ADORA2B: variants seen among roughly 807,000 people sequenced by gnomAD.
The protein encoded by ADORA2B is adenosine A2b receptor, also known as adenosine receptor A2b.
A neutral mutation model predicts 20.8 loss-of-function variants in ADORA2B; 18 were observed. The ratio of observed to expected loss-of-function variants is 0.87; its 90% CI spans 0.60 to 1.29. The LOEUF (loss-of-function observed/expected upper bound fraction) is 1.29. ADORA2B is among the 50% of genes most tolerant of loss of function. The pLI, the probability that ADORA2B is intolerant of heterozygous loss-of-function variation, is 0.00. For synonymous variants in ADORA2B, 179 were observed against 178.3 expected, an observed-to-expected ratio of 1.00 and a Z score of -0.03; for missense variants, 441 against 422.7, an observed-to-expected ratio of 1.04 and a Z score of -0.38.
At chr17:15,912,403 G>T in the ADORA2B span, among the ~76,000 whole-genome samples, 2 of 151,748 alleles carry the variant, frequency 1.3e-5, no homozygotes, top group Non-Finnish European at 2.9e-5. Flanking sequence ...AAATGCAGGT[G>T]GTGTTTCAGG....
the ADORA2B span, among the ~76,000 whole-genome samples, chr17:15,890,755 GC>G: frequency 6.6e-6 from 1 of 152,094 alleles, no homozygotes; most frequent in Non-Finnish European, 1.5e-5. Flanking sequence ...GAGCACAGCA[GC>G]CCCACTGGCT....
the ADORA2B span, among the ~76,000 whole-genome samples, chr17:15,889,302 A>G: frequency 4.6e-5 from 6 of 129,700 alleles, 1 homozygote; most frequent in Admixed American, 4.6e-4. Flanking sequence ...AGCTCACTTA[A>G]TTTGGTTCCT....
intron 1 of ADORA2B, among the ~76,000 whole-genome samples, chr17:15,946,828 C>T (rs2151591677): frequency 6.6e-6 from 1 of 152,202 alleles, no homozygotes; most frequent in East Asian, 1.9e-4. Context: ...TCTGCAAGGC[C>T]ATGTGTGGCA....
At chr17:15,939,436 C>T in the ADORA2B span, among the ~76,000 whole-genome samples, 1 of 152,168 alleles carries the variant, frequency 6.6e-6, no homozygotes, top group Non-Finnish European at 1.5e-5. Flanking sequence ...GCACAGCAGA[C>T]ATTCTGGGGC....
the ADORA2B span, among the ~76,000 whole-genome samples, chr17:15,889,400 A>T: frequency 9.3e-5 from 12 of 128,990 alleles, 3 homozygotes; most frequent in Middle Eastern, 0.011. Context: ...CCACATTAGA[A>T]AATGTAGAAA....
chr17:15,899,035 G>C, the ADORA2B span, among the ~76,000 whole-genome samples: 2 of 151,964 alleles, frequency 1.3e-5, no homozygotes, highest in Non-Finnish European at 2.9e-5. Context: ...TCCTAGACCA[G>C]CCTGGCCAAC....
chr17:15,937,835 A>G, the ADORA2B span, among the ~76,000 whole-genome samples: 5 of 152,096 alleles, frequency 3.3e-5, no homozygotes. Context: ...GGGCTCCCAA[A>G]TTGCTGGGAT....
At chr17:15,941,728 CAAAAAAAA>C (rs750541311), upstream of ADORA2B, among the ~76,000 whole-genome samples, 2 of 87,336 alleles carry the variant, frequency 2.3e-5, no homozygotes, top group Admixed American at 2.6e-4. Context: ...ACTCTTGTTT[CAAAAAAAA>C]AAAAAAAAAA....
chr17:15,881,792 T>C, the ADORA2B span, among the ~76,000 whole-genome samples: 1 of 152,182 alleles, frequency 6.6e-6, no homozygotes, highest in African/African-American at 2.4e-5. Context: ...CCTTCTTCTC[T>C]CCGTAGCCCC....
the ADORA2B span, among the ~76,000 whole-genome samples, chr17:15,871,404 G>A: frequency 6.6e-6 from 1 of 152,204 alleles, no homozygotes; most frequent in East Asian, 1.9e-4. Context: ...CTATTGGCAG[G>A]CATGTTTTTG....
the ADORA2B span, among the ~76,000 whole-genome samples, chr17:15,869,332 T>C: frequency 4.6e-4 from 69 of 149,494 alleles, 2 homozygotes; most frequent in African/African-American, 1.6e-3. Context: ...ATAATAATAA[T>C]AATAATAATT....
chr17:15,898,107 G>A, the ADORA2B span, among the ~76,000 whole-genome samples: 1 of 152,074 alleles, frequency 6.6e-6, no homozygotes, highest in East Asian at 1.9e-4. Context: ...AAAGGAGTGA[G>A]GAAACTTACA....
chr17:15,863,215 T>C, the ADORA2B span, among the ~76,000 whole-genome samples: 3 of 152,216 alleles, frequency 2.0e-5, no homozygotes, highest in East Asian at 1.9e-4. Flanking sequence ...GCTTCTGATA[T>C]TTTATCTTTC....
chr17:15,966,743 A>G (rs1390000397), intron 1 of ADORA2B, among the ~76,000 whole-genome samples: 1 of 152,240 alleles, frequency 6.6e-6, no homozygotes, highest in African/African-American at 2.4e-5. Context: ...GGACTTTCCC[A>G]GAACTCCCCT....
At chr17:15,935,575 A>G in the ADORA2B span, among the ~76,000 whole-genome samples, 1 of 151,972 alleles carries the variant, frequency 6.6e-6, no homozygotes, top group Non-Finnish European at 1.5e-5. Context: ...AGTTTCTTCG[A>G]TGTACATGCT....
the ADORA2B span, among the ~76,000 whole-genome samples, chr17:15,890,896 G>T: frequency 6.6e-6 from 1 of 152,186 alleles, no homozygotes; most frequent in Non-Finnish European, 1.5e-5. Flanking sequence ...CATGCCCAAG[G>T]GCTGTGCTCT....
At chr17:15,878,676 A>G in the ADORA2B span, among the ~76,000 whole-genome samples, 2 of 152,048 alleles carry the variant, frequency 1.3e-5, no homozygotes, top group Non-Finnish European at 2.9e-5. Context: ...TTCTTGTTTT[A>G]TTTTCCATTA....
upstream of ADORA2B, among the ~76,000 whole-genome samples, chr17:15,940,730 T>G (rs1206356802): frequency 1.3e-5 from 2 of 152,248 alleles, no homozygotes; most frequent in African/African-American, 4.8e-5. Flanking sequence ...CCCCATGGAA[T>G]AAACCATATT....
At chr17:15,863,588 A>G in the ADORA2B span, among the ~76,000 whole-genome samples, 3 of 152,142 alleles carry the variant, frequency 2.0e-5, no homozygotes, top group Non-Finnish European at 2.9e-5. Flanking sequence ...TCCTGGGCTC[A>G]GGTAATCCTC....
Sources: gnomAD v4.1 joint callset for allele counts (sites outside exome capture counted in the v4.1 genomes callset) on GRCh38, gnomAD v4.1.1 for gene constraint, MANE v1.5 for transcripts, NCBI Gene and HGNC (gene_info 2026-07-23, HGNC 2026-07-21) for gene names.